The following MYPN variants were observed in gnomAD, a reference collection of about 807,000 sequenced individuals.
The protein encoded by MYPN is sarcomeric protein myopalladin, 145 kDa (MYOP).
Under a neutral mutation model 129.4 loss-of-function variants are expected in MYPN, and 63 were observed. The ratio of observed to expected loss-of-function variants is 0.49; its 90% CI spans 0.40 to 0.60. The LOEUF (loss-of-function observed/expected upper bound fraction) is 0.60. Among genes scored for constraint, MYPN ranks in the 20% least tolerant of loss-of-function variants. The pLI, the probability that MYPN is intolerant of heterozygous loss-of-function variation, is 0.00. For synonymous variants in MYPN, 629 were observed against 600.9 expected (o/e 1.05, Z -0.68); for missense variants, 1,596 against 1,635.4 (o/e 0.98, Z 0.42).
Position 68,122,322 on chromosome 10 carries a change from T to C in MYPN, c.884T>C (p.Ile295Thr). The C allele has an allele frequency of 6.2e-7, 1 of 1,613,650 alleles. No individual in the cohort carries two copies. The highest frequency in any genetic ancestry group is 1.3e-5 in the African/African-American group (1 of 75,030). ...CAGTTGGATTGCATAGTGGTAGGAATTCCACCACCTCAAGTAAGGTAAAAA... is the reference window on the plus strand; with the variant it reads ...CAGTTGGATTGCATAGTGGTAGGAACTCCACCACCTCAAGTAAGGTAAAAA... ...RVQLDCIVVGIPPPQVRWYCE... is the reference protein window; with the variant it reads ...RVQLDCIVVGTPPPQVRWYCE... The change falls in exon 2 of 20, where the codon ATT (isoleucine) becomes ACT (threonine). Residue 295 changes from isoleucine to threonine, a missense_variant. Ile to Thr is a moderately conservative substitution (Grantham distance 89, BLOSUM62 -1). Coordinates refer to ENST00000358913, the MANE Select transcript of MYPN (RefSeq NM_032578.4).
At chr10:68,109,264 G>A, upstream of MYPN, 1 of 182,168 alleles carries the variant, frequency 5.5e-6, no homozygotes, top group South Asian at 1.2e-4. Context: ...TTTGAATGAT[G>A]AACTATGGTA....
intron 12 of MYPN, among the ~76,000 whole-genome samples, chr10:68,180,598 A>G (rs1480736423): frequency 1.3e-5 from 2 of 152,224 alleles, no homozygotes; most frequent in Non-Finnish European, 2.9e-5. Flanking sequence ...ACTGCACATC[A>G]TACCCAGAAT....
rs542395089 is a variant in MYPN at position 68,199,440 on chromosome 10, A to C, written c.3358A>C (p.Lys1120Gln). The C allele has an allele frequency of 3.1e-6, 5 of 1,614,136 alleles. No homozygotes were observed. Among genetic ancestry groups the C allele is most frequent in the Admixed American group, 1.7e-5 (1 of 60,016 alleles). The change falls in exon 17 of 20, where the codon AAG (lysine) becomes CAG (glutamine). Residue 1120 changes from lysine (K) to glutamine (Q), a missense_variant. Lys to Gln is a moderately conservative substitution (Grantham distance 53). Transcript: ENST00000358913. The part of the protein sequence containing the change: ...GQPVLPDASH[K>Q]MLVRETGVHS... ...ACCTGTGCTACCAGATGCCTCCCAC[A>C]AGATGCTGGTCAGGGAGACCGGAGT...
intron 12 of MYPN, among the ~76,000 whole-genome samples, chr10:68,177,649 A>G (rs2043248818): frequency 6.6e-6 from 1 of 152,236 alleles, no homozygotes; most frequent in African/African-American, 2.4e-5. Flanking sequence ...GAAGAAAGTC[A>G]GCTTAGGAAA....
Position 68,161,934 on chromosome 10 carries a change from G to A in MYPN, c.1483+182G>A, listed in dbSNP as rs138843563. ...TTCCAGCACTTTGCGAGGCCGAGGC[G>A]GGCGGATTACTTGAGATCAGAAGTT... On this transcript the variant is annotated intron_variant, in intron 8 of 19. Coordinates refer to ENST00000358913, the MANE Select transcript of MYPN (RefSeq NM_032578.4). The A allele has an allele frequency of 2.9e-4, 143 of 487,374 alleles. No homozygotes were observed. In the East Asian group the frequency reaches 4.1e-3, roughly 14 times the overall value. 30.2% of individuals were successfully genotyped at this position (487,374 alleles called of 1,614,324 possible). A position where few individuals can be genotyped will look rare whatever the true frequency, so the allele number is the denominator to read the frequency against.
At chr10:68,184,464 T>G (rs1435865080) in intron 12 of MYPN, among the ~76,000 whole-genome samples, 4 of 152,162 alleles carry the variant, frequency 2.6e-5, no homozygotes, top group Non-Finnish European at 5.9e-5. Flanking sequence ...GTTTCACTCT[T>G]GTCCCCTAGG....
At chr10:68,168,967 G>C (rs2043096536) in intron 10 of MYPN, among the ~76,000 whole-genome samples, 1 of 142,602 alleles carries the variant, frequency 7.0e-6, no homozygotes, top group Admixed American at 7.2e-5. Context: ...ACTCCAGCGT[G>C]GGCGACAGAA....
chr10:68,094,269 A>T (rs1425555482), intron 1 of MYPN, among the ~76,000 whole-genome samples: 4 of 146,096 alleles, frequency 2.7e-5, no homozygotes, highest in Non-Finnish European at 4.5e-5. Flanking sequence ...TTTTTAATTA[A>T]TTTTTTTTTT....
At chr10:68,164,223 G>T (rs1366931405) in intron 8 of MYPN, among the ~76,000 whole-genome samples, 4 of 152,252 alleles carry the variant, frequency 2.6e-5, no homozygotes, top group East Asian at 1.9e-4. Flanking sequence ...GCCTGCATCT[G>T]GTGAGGGCCT....
At chr10:68,204,909 A>C (rs2043788065) in intron 18 of MYPN, among the ~76,000 whole-genome samples, 1 of 151,260 alleles carries the variant, frequency 6.6e-6, no homozygotes, top group Admixed American at 6.6e-5. Context: ...CTCCAACCCC[A>C]GCTGTAAGGA....
At chr10:68,176,737 A>T (rs1024578141) in intron 12 of MYPN, among the ~76,000 whole-genome samples, 3 of 152,216 alleles carry the variant, frequency 2.0e-5, no homozygotes, top group African/African-American at 7.2e-5. Context: ...GGCAAATGCC[A>T]ACGCTACTAT....
intron 12 of MYPN, among the ~76,000 whole-genome samples, chr10:68,184,492 G>T (rs568707928): frequency 2.0e-5 from 3 of 152,070 alleles, no homozygotes; most frequent in South Asian, 4.1e-4. Context: ...GCAATGGCAC[G>T]ATCTTGACTC....
intron 10 of MYPN, among the ~76,000 whole-genome samples, chr10:68,169,183 A>T (rs1227547478): frequency 3.9e-4 from 5 of 12,796 alleles, no homozygotes; most frequent in Non-Finnish European, 3.7e-3. Flanking sequence ...GTCTCTACTA[A>T]AAAAAAAAAA....
intron 6 of MYPN, among the ~76,000 whole-genome samples, chr10:68,153,305 A>C (rs981224154): frequency 6.6e-6 from 1 of 151,916 alleles, no homozygotes; most frequent in African/African-American, 2.4e-5. Flanking sequence ...TTTACATTTA[A>C]TTTTCATGAG....
At position 68,161,761 on chromosome 10, in the gene MYPN, G is replaced by T; in HGVS notation, c.1483+9G>T. The T allele has an allele frequency of 6.2e-7, 1 of 1,604,032 alleles. No homozygotes were observed. Among genetic ancestry groups the T allele is most frequent in the Non-Finnish European group, 8.5e-7 (1 of 1,171,680 alleles). On this transcript the variant is annotated intron_variant, in intron 8 of 19. Transcript: ENST00000358913. The stretch of plus-strand genomic sequence containing the variant: ...ATCCATGGCAGAGCCAGGTAAAGAT[G>T]ATTTCAACTTTAATTTATTAGTATA...
rs557265984 is a variant in MYPN, at chr10:68,210,646, C to T, written c.*191C>T. On this transcript the variant is annotated 3_prime_UTR_variant, in exon 20 of 20. Coordinates refer to ENST00000358913, the MANE Select transcript of MYPN (RefSeq NM_032578.4). ...GCTGAGGGAGAAAGGTAGGGCTGTG[C>T]CTTCTAAAGATTCCAACAGAGATGT... The T allele has an allele frequency of 2.6e-5, 18 of 705,534 alleles. No homozygotes were observed. The African/African-American group carries it at 3.1e-4, about 12-fold the overall frequency. 43.7% of individuals were successfully genotyped at this position (705,534 alleles called of 1,614,324 possible).
intron 12 of MYPN, among the ~76,000 whole-genome samples, chr10:68,185,228 A>AGAAAG (rs201206002): frequency 8.6e-4 from 129 of 150,686 alleles, no homozygotes; most frequent in Admixed American, 1.7e-3. Flanking sequence ...TGAAAAGAAA[A>AGAAAG]GAAAGGAAAG....
At chr10:68,094,325 C>T (rs928529258) in intron 1 of MYPN, among the ~76,000 whole-genome samples, 1 of 151,356 alleles carries the variant, frequency 6.6e-6, no homozygotes, top group African/African-American at 2.4e-5. Flanking sequence ...AGTGCAATGG[C>T]GCTATCTCGG....
At chr10:68,101,815 A>G (rs550342422), upstream of MYPN, among the ~76,000 whole-genome samples, 31 of 152,082 alleles carry the variant, frequency 2.0e-4, no homozygotes, top group African/African-American at 6.5e-4. Flanking sequence ...CCTGATTTCA[A>G]TTGTATAGGT....
Sources: gnomAD v4.1 joint callset for allele counts (sites outside exome capture counted in the v4.1 genomes callset) on GRCh38, gnomAD v4.1.1 for gene constraint, MANE v1.5 for transcripts, NCBI Gene and HGNC (gene_info 2026-07-23, HGNC 2026-07-21) for gene names.